TMPRSS13: variants seen among roughly 807,000 people sequenced by gnomAD.
TMPRSS13 encodes transmembrane serine protease 13.
A neutral mutation model predicts 68.4 loss-of-function variants in TMPRSS13; 50 were observed. That is an observed-to-expected ratio of 0.73 (90% CI 0.58 to 0.93). The LOEUF (loss-of-function observed/expected upper bound fraction) is 0.93, where lower values mean the gene tolerates loss of function less well. Ranked by LOEUF, TMPRSS13 falls within the 40% of genes least tolerant of loss-of-function variation. TMPRSS13 has a pLI of 0.00. For missense variants in TMPRSS13, 615 were observed against 729.2 expected, an observed-to-expected ratio of 0.84 and a Z score of 1.80; for synonymous variants, 267 against 285.8, an observed-to-expected ratio of 0.93 and a Z score of 0.66.
intron 3 of TMPRSS13, among the ~76,000 whole-genome samples, chr11:117,916,451 T>G (rs565585312): frequency 6.6e-6 from 1 of 152,360 alleles, no homozygotes; most frequent in East Asian, 1.9e-4. Flanking sequence ...CTCCTCATAG[T>G]CACACTCAAA....
At chr11:117,916,513 T>C (rs73022413) in intron 3 of TMPRSS13, among the ~76,000 whole-genome samples, 6,126 of 152,328 alleles carry the variant, frequency 0.04, 212 homozygotes, top group East Asian at 0.14. Context: ...CTGTAATCTC[T>C]CTGAGGACAG....
chr11:117,912,555 A>G (rs2134894293), intron 5 of TMPRSS13, among the ~76,000 whole-genome samples: 2 of 152,312 alleles, frequency 1.3e-5, no homozygotes, highest in South Asian at 2.1e-4. Flanking sequence ...TGCATGGAAC[A>G]TATGTATATT....
At chr11:117,923,073 G>A (rs904313809) in intron 1 of TMPRSS13, among the ~76,000 whole-genome samples, 1 of 152,120 alleles carries the variant, frequency 6.6e-6, no homozygotes, top group Non-Finnish European at 1.5e-5. Flanking sequence ...CTGGCTCTGG[G>A]AGTCTTTCCA....
At position 117,918,666 on chromosome 11, in the gene TMPRSS13, G is replaced by A; in HGVS notation, c.194C>T (p.Pro65Leu). The A allele has an allele frequency of 6.3e-7, 1 of 1,592,324 alleles. No individual in the cohort carries two copies. The highest frequency in any genetic ancestry group is 8.6e-7 in the Non-Finnish European group (1 of 1,168,538). ...SPAQASPAGTPPGRASPGRAS... is the reference protein window; with the variant it reads ...SPAQASPAGTLPGRASPGRAS... ...CCGGCCTGGAGATGCCCGGCCTGGAGGTGTACCAGCTGGAGATGCCTGGGC... is the reference window on the plus strand; with the variant it reads ...CCGGCCTGGAGATGCCCGGCCTGGAAGTGTACCAGCTGGAGATGCCTGGGC... Residue 65 changes from proline to leucine, a missense_variant, in exon 2 of 13, where the codon CCT becomes CTT. Physicochemically the swap from Pro to Leu is moderately conservative, Grantham distance 98. Coordinates refer to ENST00000524993, the MANE Select transcript of TMPRSS13 (RefSeq NM_001077263.3).
At chr11:117,916,197 C>T (rs560861561) in intron 3 of TMPRSS13, among the ~76,000 whole-genome samples, 8 of 152,320 alleles carry the variant, frequency 5.3e-5, no homozygotes, top group Non-Finnish European at 1.0e-4. Flanking sequence ...TACAGCATGG[C>T]CCAGCCTTGC....
chr11:117,905,386 G>T (rs2057454325), intron 10 of TMPRSS13, among the ~76,000 whole-genome samples: 1 of 152,036 alleles, frequency 6.6e-6, no homozygotes, highest in Non-Finnish European at 1.5e-5. Context: ...AATGAGCAAT[G>T]AACTCAACTA....
intron 7 of TMPRSS13, among the ~76,000 whole-genome samples, chr11:117,910,335 G>A (rs2057509210): frequency 6.6e-6 from 1 of 152,186 alleles, no homozygotes; most frequent in Non-Finnish European, 1.5e-5. Context: ...TAAGTCCCAG[G>A]ACTGCCATTA....
intron 2 of TMPRSS13, among the ~76,000 whole-genome samples, chr11:117,917,861 A>G (rs1416458252): frequency 1.3e-5 from 2 of 152,268 alleles, no homozygotes; most frequent in Non-Finnish European, 2.9e-5. Context: ...GGGCAGGAAC[A>G]CTGATTCCTT....
In TMPRSS13 at chr11:117,904,244, AC is replaced by A; in HGVS notation, c.1382-144del. On this transcript the variant is annotated intron_variant, in intron 10 of 12. Coordinates refer to ENST00000524993, the MANE Select transcript of TMPRSS13 (RefSeq NM_001077263.3). ...GGTGCCATGCCCGTGCCTGGCTCCCACCCAAGGGAGGCCCTCTGTGGTTGGA... is the reference window on the plus strand; with the variant it reads ...GGTGCCATGCCCGTGCCTGGCTCCCACCAAGGGAGGCCCTCTGTGGTTGGA... The A allele has an allele frequency of 4.3e-6, 5 of 1,172,946 alleles. No individual in the cohort carries two copies. In the South Asian group the frequency reaches 7.9e-5, roughly 19 times the overall value. 72.7% of individuals were successfully genotyped at this position (1,172,946 alleles called of 1,614,324 possible).
rs112748187 is a variant in TMPRSS13 at position 117,910,618 on chromosome 11, T to C, written c.946+89A>G. The C allele has an allele frequency of 3.8e-5, 52 of 1,354,614 alleles. No homozygotes were observed. In the African/African-American group the frequency reaches 5.8e-4, roughly 15 times the overall value. 83.9% of individuals were successfully genotyped at this position (1,354,614 alleles called of 1,614,324 possible). On this transcript the variant is annotated intron_variant, in intron 7 of 12. Coordinates refer to ENST00000524993, the MANE Select transcript of TMPRSS13 (RefSeq NM_001077263.3). ...ACACTGTTCCTGACTTGAACCCCTG[T>C]GCCAAACACCTCCCTTGGAGGAGTG...
intron 2 of TMPRSS13, 38 bp downstream of exon 2, chr11:117,918,371 T>G (rs1481529090): frequency 2.5e-6 from 4 of 1,600,856 alleles, no homozygotes; most frequent in Non-Finnish European, 3.4e-6. Context: ...ATGGGCTGCT[T>G]CCCATCTCTC....
chr11:117,905,696 G>C lies in TMPRSS13; in HGVS notation c.1323C>G (p.Thr441=), dbSNP rs1333763661. 6.2e-7 allele frequency: 1 copy of C among 1,606,338 alleles called. No individual in the cohort carries two copies. The highest frequency in any genetic ancestry group is 1.1e-5 in the South Asian group (1 of 89,422). The part of the protein sequence containing the change: ...HPACLPMHGQ[T]FSLNETCWIT... The stretch of plus-strand genomic sequence containing the variant: ...TCCAGCAGGTCTCATTGAGGCTAAA[G>C]GTCTGTCCATGCATGGGGAGGCAAG... Residue 441 remains threonine (T), a synonymous_variant, in exon 10 of 13, where the codon ACC becomes ACG. Coordinates refer to ENST00000524993, the MANE Select transcript of TMPRSS13 (RefSeq NM_001077263.3).
rs2134869653 is a variant in TMPRSS13, at chr11:117,902,092, AC to A, written c.*146del. The A allele has an allele frequency of 2.4e-6, 2 of 841,594 alleles. No individual in the cohort carries two copies. The highest frequency in any genetic ancestry group is 3.0e-5 in the South Asian group (2 of 66,138). 52.1% of individuals were successfully genotyped at this position (841,594 alleles called of 1,614,324 possible). ...CATATGCACACACACACACACACAC[AC>A]ACACACACACAGAGGCAGCAGACAG... On this transcript the variant is annotated 3_prime_UTR_variant, in exon 13 of 13. Coordinates refer to ENST00000524993, the MANE Select transcript of TMPRSS13 (RefSeq NM_001077263.3).
At chr11:117,927,149 G>C (rs1263764879) in intron 1 of TMPRSS13, among the ~76,000 whole-genome samples, 1 of 152,152 alleles carries the variant, frequency 6.6e-6, no homozygotes, top group Non-Finnish European at 1.5e-5. Flanking sequence ...GTTCAAATAA[G>C]GCTATTTCTG....
chr11:117,917,598 T>C (rs4245178), intron 2 of TMPRSS13, among the ~76,000 whole-genome samples: 43,417 of 152,162 alleles, frequency 0.29, 7,632 homozygotes, highest in Admixed American at 0.43. Flanking sequence ...CCCCTTTCTA[T>C]AGATGGGGAA....
chr11:117,919,103 C>CG (rs1482949412), intron 1 of TMPRSS13, among the ~76,000 whole-genome samples: 2 of 152,128 alleles, frequency 1.3e-5, no homozygotes, highest in Non-Finnish European at 2.9e-5. Context: ...GCCAAGTGCC[C>CG]GGGGGTTGGG....
In TMPRSS13 at chr11:117,918,394, C is replaced by T. The variant is rs1331783510; in HGVS notation, c.451+15G>A. The T allele has an allele frequency of 1.9e-6, 3 of 1,610,390 alleles. No individual in the cohort carries two copies. Among genetic ancestry groups the T allele is most frequent in the African/African-American group, 2.7e-5 (2 of 74,852 alleles). On this transcript the variant is annotated intron_variant, in intron 2 of 12. Coordinates refer to ENST00000524993, the MANE Select transcript of TMPRSS13 (RefSeq NM_001077263.3). ...CTTCCCATCTCTCGTGGCTTCCCTA[C>T]AGCATCCCCCTTACCTGGGCTCTCC...
chr11:117,905,459 G>C (rs557573100), intron 10 of TMPRSS13, among the ~76,000 whole-genome samples, 179 bp downstream of exon 10: 1 of 152,014 alleles, frequency 6.6e-6, no homozygotes, highest in Non-Finnish European at 1.5e-5. Context: ...TGACTGCACC[G>C]GCATATACTC....
chr11:117,903,867 G>T (rs1466629804), intron 11 of TMPRSS13, 60 bp from the exon 12 acceptor site: 17 of 1,597,586 alleles, frequency 1.1e-5, no homozygotes, highest in Non-Finnish European at 1.4e-5. Flanking sequence ...GCGGGAAAGG[G>T]TGGGGTCCCA....
Sources: allele counts gnomAD v4.1 joint callset (sites outside exome capture counted in the v4.1 genomes callset), GRCh38; gene constraint gnomAD v4.1.1; transcripts MANE v1.5; gene names NCBI Gene and HGNC (gene_info 2026-07-23, HGNC 2026-07-21).